DOCK1: variants seen among roughly 807,000 people sequenced by gnomAD.
The protein encoded by DOCK1 is dedicator of cytokinesis protein 1.
In DOCK1, 138 loss-of-function variants were observed where a neutral mutation model predicts 262.7. The observed-to-expected ratio is 0.53, with a 90% confidence interval of 0.46 to 0.61. DOCK1 has a LOEUF of 0.61. Among genes scored for constraint, DOCK1 ranks in the 20% least tolerant of loss-of-function variants. The pLI is 0.00. For synonymous variants in DOCK1, 866 were observed against 867.4 expected (o/e 1.00, Z 0.03); for missense variants, 1,908 against 2,370.7 (o/e 0.80, Z 4.05).
At position 127,197,250 on chromosome 10, in the gene DOCK1, A is replaced by T. The variant is rs875078; in HGVS notation, c.2848-50758A>T. 2.6e-5 allele frequency among the ~76,000 whole-genome samples: 4 copies of T among 152,026 alleles called. No homozygotes were observed. In the South Asian group the frequency reaches 8.3e-4, roughly 31 times the overall value. The stretch of plus-strand genomic sequence containing the variant: ...CTCCTAGCCAGGAACCCTACCCCCC[A>T]TCCAGAGCACACACCACCCGTCAGC... On this transcript the variant is annotated intron_variant, in intron 27 of 51. Transcript: ENST00000623213.
In DOCK1 at chr10:127,386,131, C is replaced by T. The variant is rs564804024; in HGVS notation, c.3927+1222C>T. ...GAAAACAATGACTCGACAGAGTCCC[C>T]GTGGTCACGAGCTTGGGATTCTGCT... On this transcript the variant is annotated intron_variant, in intron 38 of 51. Transcript: ENST00000623213. Among the ~76,000 whole-genome samples the T allele has an allele frequency of 2.6e-5, 4 of 152,230 alleles. No individual in the cohort carries two copies. The South Asian group carries it at 6.2e-4, about 24-fold the overall frequency.
At chr10:127,084,182 T>C (rs774404530) in intron 23 of DOCK1, among the ~76,000 whole-genome samples, 1 of 152,208 alleles carries the variant, frequency 6.6e-6, no homozygotes, top group African/African-American at 2.4e-5. Flanking sequence ...TGGTGAGTGA[T>C]TGTTTCATAT....
chr10:127,372,366 A>G (rs1474109976), intron 33 of DOCK1, among the ~76,000 whole-genome samples: 1 of 152,180 alleles, frequency 6.6e-6, no homozygotes, highest in African/African-American at 2.4e-5. Flanking sequence ...AGTGTCTGTC[A>G]CAGGCACTCT....
In DOCK1 at chr10:127,343,273, G is replaced by A. The variant is rs562817302; in HGVS notation, c.3124-373G>A. Among the ~76,000 whole-genome samples the A allele has an allele frequency of 2.0e-5, 3 of 152,164 alleles. No individual in the cohort carries two copies. In the South Asian group the frequency reaches 6.2e-4, roughly 32 times the overall value. ...AAAAAAGAGCTAACATTGATGAAGT[G>A]CTTACACATGCTCTGTACCGCCTTA... On this transcript the variant is annotated intron_variant, in intron 30 of 51. Transcript: ENST00000623213.
intron 35 of DOCK1, 140 bp downstream of exon 35, chr10:127,374,354 C>G (rs2065368646): frequency 1.7e-6 from 2 of 1,153,672 alleles, no homozygotes; most frequent in South Asian, 1.8e-5. Context: ...GTTTCCTCAT[C>G]TGCTGCAGGG....
At chr10:127,122,968 C>T (rs552143961) in intron 25 of DOCK1, among the ~76,000 whole-genome samples, 6 of 152,146 alleles carry the variant, frequency 3.9e-5, no homozygotes, top group South Asian at 2.1e-4. Flanking sequence ...ATAAATGGTG[C>T]GGTGAGGGAT....
intron 1 of DOCK1, among the ~76,000 whole-genome samples, chr10:126,931,592 G>A (rs2034190751): frequency 6.6e-6 from 1 of 152,234 alleles, no homozygotes; most frequent in Non-Finnish European, 1.5e-5. Context: ...CCCCCACTGG[G>A]GTTGGGGTGG....
intron 44 of DOCK1, among the ~76,000 whole-genome samples, chr10:127,416,835 G>A (rs576437379): frequency 1.3e-5 from 2 of 152,312 alleles, no homozygotes; most frequent in Admixed American, 1.3e-4. Context: ...GGCAAAGTAA[G>A]TTGTGGGGTC....
At chr10:126,981,082 G>A (rs1030507913) in intron 3 of DOCK1, among the ~76,000 whole-genome samples, 1 of 151,906 alleles carries the variant, frequency 6.6e-6, no homozygotes, top group African/African-American at 2.4e-5. Flanking sequence ...TGAGTAGCTG[G>A]GACTACAGGT....
At chr10:127,195,531 C>CG (rs1339820956) in intron 27 of DOCK1, among the ~76,000 whole-genome samples, 1 of 151,992 alleles carries the variant, frequency 6.6e-6, no homozygotes, top group Non-Finnish European at 1.5e-5. Context: ...CATCCCCCCC[C>CG]CGAAGTTAAT....
chr10:127,406,161 G>C (rs1204925198), intron 40 of DOCK1, among the ~76,000 whole-genome samples: 4 of 152,122 alleles, frequency 2.6e-5, no homozygotes, highest in African/African-American at 9.7e-5. Flanking sequence ...TGGCCCCTGT[G>C]GATGGAGATC....
chr10:127,355,727 C>T (rs562706689), intron 32 of DOCK1, among the ~76,000 whole-genome samples: 1 of 152,312 alleles, frequency 6.6e-6, no homozygotes, highest in Non-Finnish European at 1.5e-5. Flanking sequence ...CTTGTTGCAC[C>T]AGGGTTGGGA....
intron 23 of DOCK1, among the ~76,000 whole-genome samples, chr10:127,090,002 G>A (rs1241128190): frequency 6.6e-6 from 1 of 152,186 alleles, no homozygotes. Flanking sequence ...AGACACAGCT[G>A]AAGGATTGTT....
intron 1 of DOCK1, among the ~76,000 whole-genome samples, chr10:126,911,082 C>T (rs921466595): frequency 1.3e-5 from 2 of 152,280 alleles, no homozygotes; most frequent in Middle Eastern, 3.4e-3. Context: ...GAGGCTGAGT[C>T]GTCTGGTAGT....
In DOCK1 at chr10:127,175,847, T is replaced by G; in HGVS notation, c.2847+48083T>G. On this transcript the variant is annotated intron_variant, in intron 27 of 51. Coordinates refer to ENST00000623213, the MANE Select transcript of DOCK1 (RefSeq NM_001290223.2). This position sits in a 1 kb window ranked among gnomAD's most constrained non-coding sequence, Gnocchi z 6.3. ...AGTTGACCCCCAAAGGCTGGTCCAC[T>G]GTGTTCATGTGTTGGTTGGAATGGA... The G allele has an allele frequency of 1.9e-6, 3 of 1,614,140 alleles. No individual in the cohort carries two copies. The highest frequency in any genetic ancestry group is 2.5e-6 in the Non-Finnish European group (3 of 1,180,022).
chr10:127,174,253 T>C (rs1248838509), intron 27 of DOCK1, among the ~76,000 whole-genome samples: 1 of 152,158 alleles, frequency 6.6e-6, no homozygotes, highest in African/African-American at 2.4e-5. Context: ...CTGCCTCCGA[T>C]GTTACCTCCA....
At chr10:127,443,531 A>G (rs2134778905) in intron 49 of DOCK1, among the ~76,000 whole-genome samples, 1 of 152,066 alleles carries the variant, frequency 6.6e-6, no homozygotes, top group South Asian at 2.1e-4. Context: ...TTCCCTGCCT[A>G]GTTCCTGCCC....
chr10:127,236,292 G>C (rs1224189113), intron 27 of DOCK1, among the ~76,000 whole-genome samples: 1 of 151,368 alleles, frequency 6.6e-6, no homozygotes, highest in South Asian at 2.1e-4. Context: ...TTTTGTATAC[G>C]GTTTAAGGTA....
At chr10:127,031,774 A>G (rs751093174) in intron 17 of DOCK1, 21 bp downstream of exon 17, 29 of 1,598,622 alleles carry the variant, frequency 1.8e-5, no homozygotes, top group Non-Finnish European at 2.3e-5. Flanking sequence ...GCATTGGTGC[A>G]ATATTGCTGC....
Sources: gnomAD v4.1 joint callset for allele counts (sites outside exome capture counted in the v4.1 genomes callset) on GRCh38, gnomAD v4.1.1 for gene constraint, Gnocchi (gnomAD v3.1) non-coding constraint, MANE v1.5 for transcripts, NCBI Gene and HGNC (gene_info 2026-07-23, HGNC 2026-07-21) for gene names.